SLC18A1: variants seen among roughly 807,000 people sequenced by gnomAD.
SLC18A1 encodes the protein chromaffin granule amine transporter.
Under a neutral mutation model 53.7 loss-of-function variants are expected in SLC18A1, and 69 were observed. That is an observed-to-expected ratio of 1.28 (90% CI 1.06 to 1.57). SLC18A1 has a LOEUF of 1.57. SLC18A1 is among the 40% of genes most tolerant of loss of function. The pLI, the probability that SLC18A1 is intolerant of heterozygous loss-of-function variation, is 0.00. For synonymous variants in SLC18A1, 320 were observed against 248.1 expected, an observed-to-expected ratio of 1.29 and a Z score of -2.72; for missense variants, 932 against 668.1, an observed-to-expected ratio of 1.40 and a Z score of -4.35.
In SLC18A1 at chr8:20,150,768, C is replaced by T. The variant is rs374575814; in HGVS notation, c.1016-24G>A. 1.7e-5 allele frequency: 28 copies of T among 1,601,976 alleles called. No homozygotes were observed. In the East Asian group the frequency reaches 6.0e-4, roughly 34 times the overall value. On this transcript the variant is annotated intron_variant, in intron 10 of 15. Coordinates refer to ENST00000276373, the MANE Select transcript of SLC18A1 (RefSeq NM_003053.4). ...ACCTGTGGAAGGACACAGATCCTTA[C>T]CTTAGGACATGTCCAATTTACTCTA... is the stretch of plus-strand genomic sequence containing the variant.
At chr8:20,182,302 T>A (rs888289039) in intron 1 of SLC18A1, among the ~76,000 whole-genome samples, 3 of 152,296 alleles carry the variant, frequency 2.0e-5, no homozygotes, top group Admixed American at 2.0e-4. Flanking sequence ...GTGAAAAAAG[T>A]CAAACATGTT....
At chr8:20,147,830 G>A in intron 13 of SLC18A1, 108 bp from the exon 14 acceptor site, 1 of 1,508,852 alleles carries the variant, frequency 6.6e-7, no homozygotes, top group Non-Finnish European at 9.0e-7. Context: ...TTCTGCCTCG[G>A]ACTAACACCT....
intron 1 of SLC18A1, among the ~76,000 whole-genome samples, chr8:20,182,144 C>A (rs76312869): frequency 0.08 from 12,165 of 152,002 alleles, 607 homozygotes; most frequent in Middle Eastern, 0.19. Context: ...AATAGATTAC[C>A]ATCATGAAAT....
intron 4 of SLC18A1, chr8:20,175,405 A>G (rs1330323426): frequency 6.6e-6 from 1 of 152,242 alleles, no homozygotes; most frequent in African/African-American, 2.4e-5. Flanking sequence ...ATAGGAAATT[A>G]TAAGAGTATT....
intron 8 of SLC18A1, among the ~76,000 whole-genome samples, chr8:20,166,289 CTATATATATATATATA>C (rs1181101416): frequency 9.3e-6 from 1 of 107,256 alleles, no homozygotes; most frequent in African/African-American, 3.4e-5. Context: ...GTGTGTGTGT[CTATATATATATATATA>C]TATATATATA....
At chr8:20,147,548 C>T (rs1191285501) in intron 14 of SLC18A1, 55 bp downstream of exon 14, 7 of 1,606,914 alleles carry the variant, frequency 4.4e-6, no homozygotes, top group Non-Finnish European at 5.1e-6. Context: ...GGCTGCACTT[C>T]CAGCTGGTAA....
At chr8:20,148,359 C>T (rs1363801340) in intron 12 of SLC18A1, 14 of 893,350 alleles carry the variant, frequency 1.6e-5, no homozygotes, top group East Asian at 4.5e-5. Flanking sequence ...TATGCTCTAA[C>T]GAGGGTCTTC....
At chr8:20,152,673 T>C (rs972486291) in intron 10 of SLC18A1, among the ~76,000 whole-genome samples, 8 of 152,158 alleles carry the variant, frequency 5.3e-5, no homozygotes, top group African/African-American at 1.7e-4. Context: ...GGCAGTTAGA[T>C]ACTTAAAGCC....
chr8:20,165,210 A>G (rs2071927505), intron 8 of SLC18A1, 103 bp from the exon 9 acceptor site: 3 of 1,010,678 alleles, frequency 3.0e-6, no homozygotes, highest in South Asian at 1.4e-5. Context: ...GAGACCATCT[A>G]CAGTATCTCC....
chr8:20,148,307 A>T (rs1321794700), intron 12 of SLC18A1: 1 of 593,554 alleles, frequency 1.7e-6, no homozygotes, highest in Non-Finnish European at 2.8e-6. Flanking sequence ...TACAGATCTA[A>T]TGAGTGGCAA....
At chr8:20,174,184 G>C (rs1461066155) in intron 5 of SLC18A1, among the ~76,000 whole-genome samples, 177 bp downstream of exon 5, 1 of 152,060 alleles carries the variant, frequency 6.6e-6, no homozygotes, top group African/African-American at 2.4e-5. Context: ...AAGTGCAGGG[G>C]TTACAGGTGT....
At position 20,147,538 on chromosome 8, in the gene SLC18A1, G is replaced by A. The variant is rs556010743; in HGVS notation, c.1330+65C>T. ...CAGAACCCTAGGAGGATAGCTTCCT[G>A]GCTGCACTTCCAGCTGGTAAAGAGT... On this transcript the variant is annotated intron_variant, in intron 14 of 15. Transcript: ENST00000276373. 120 of 1,604,280 alleles carry A rather than the reference G, an allele frequency of 7.5e-5. 1 individual carries two copies. The highest frequency in any genetic ancestry group is 6.6e-4 in the Middle Eastern group (4 of 6,026).
intron 4 of SLC18A1, 25 bp from the exon 5 acceptor site, chr8:20,174,469 A>G: frequency 6.4e-7 from 1 of 1,566,264 alleles, no homozygotes; most frequent in Non-Finnish European, 8.8e-7. Flanking sequence ...TAGCAAGATA[A>G]CTGCAGTTAG....
intron 10 of SLC18A1, among the ~76,000 whole-genome samples, chr8:20,158,587 A>C (rs566334184): frequency 6.6e-6 from 1 of 152,220 alleles, no homozygotes; most frequent in East Asian, 1.9e-4. Flanking sequence ...GAGGCCCAAC[A>C]AGGACTCCAA....
At chr8:20,153,671 A>G (rs1292013385) in intron 10 of SLC18A1, among the ~76,000 whole-genome samples, 1 of 151,748 alleles carries the variant, frequency 6.6e-6, no homozygotes, top group Non-Finnish European at 1.5e-5. Context: ...TGTCTCAAAA[A>G]AAAAAAGAAA....
chr8:20,146,137 G>C (rs377159517), intron 15 of SLC18A1, among the ~76,000 whole-genome samples: 2 of 152,014 alleles, frequency 1.3e-5, no homozygotes, highest in African/African-American at 2.4e-5. Context: ...GAATGGTCTC[G>C]ATCTCCTGAC....
At chr8:20,181,455 A>C (rs556845899) in intron 1 of SLC18A1, among the ~76,000 whole-genome samples, 1 of 152,170 alleles carries the variant, frequency 6.6e-6, no homozygotes, top group Admixed American at 6.5e-5. Context: ...CTTTTAAAAT[A>C]TTGAGATACT....
intron 8 of SLC18A1, among the ~76,000 whole-genome samples, chr8:20,169,647 G>A (rs1252648342): frequency 6.6e-6 from 1 of 152,160 alleles, no homozygotes; most frequent in Admixed American, 6.5e-5. Context: ...GGGAGGCTGA[G>A]GCGGATGGAT....
intron 10 of SLC18A1, 150 bp downstream of exon 10, chr8:20,164,719 A>G: frequency 1.6e-6 from 1 of 613,554 alleles, no homozygotes; most frequent in South Asian, 2.2e-5. Context: ...CTGAGGGACC[A>G]CACACCCTCT....
Sources: gnomAD v4.1 joint callset for allele counts (sites outside exome capture counted in the v4.1 genomes callset) on GRCh38, gnomAD v4.1.1 for gene constraint, MANE v1.5 for transcripts, NCBI Gene and HGNC (gene_info 2026-07-23, HGNC 2026-07-21) for gene names.